The following TPH1 variants were observed in gnomAD, a reference collection of about 807,000 sequenced individuals.
TPH1 encodes the protein tryptophan hydroxylase 1, also known as tryptophan 5-hydroxylase 1.
TPH1 carries 37 observed loss-of-function variants against 49.5 expected under a neutral mutation model. The ratio of observed to expected loss-of-function variants is 0.75; its 90% CI spans 0.58 to 0.98. The LOEUF (loss-of-function observed/expected upper bound fraction) is 0.98. TPH1 is among the 50% of genes least tolerant of loss of function. The pLI is 0.00. For synonymous variants in TPH1, 160 were observed against 182.1 expected (o/e 0.88, Z 0.98); for missense variants, 487 against 523.6 (o/e 0.93, Z 0.68).
At position 18,019,355 on chromosome 11, in the gene TPH1, A is replaced by G. The variant is rs1330868875; in HGVS notation, c.*1636T>C. 1 of 202,106 alleles carries G rather than the reference A, an allele frequency of 4.9e-6. No homozygotes were observed. The highest frequency in any genetic ancestry group is 1.0e-5 in the Non-Finnish European group (1 of 98,902). The allele number at this position is 202,106 out of a possible 1,614,324, so 12.5% of individuals were successfully genotyped here. ...TTGAAAATACGATGTTTAATATACC[A>G]TTAATGGAAATTAAATTACTGGGAA... On this transcript the variant is annotated 3_prime_UTR_variant, in exon 11 of 11. Coordinates refer to ENST00000682019, the MANE Select transcript of TPH1 (RefSeq NM_004179.3).
rs1328394488 is a variant in TPH1 at position 18,018,336 on chromosome 11, C to T, written c.*2655G>A. On this transcript the variant is annotated 3_prime_UTR_variant, in exon 11 of 11. Coordinates refer to ENST00000682019, the MANE Select transcript of TPH1 (RefSeq NM_004179.3). ...CCTGATTTACCAAATATTACAAATA[C>T]CCAGAGGTGAGAAGAACTGAAATCC... The T allele has an allele frequency of 6.6e-6, 1 of 151,880 alleles. No individual in the cohort carries two copies. Among genetic ancestry groups the T allele is most frequent in the Non-Finnish European group, 1.5e-5 (1 of 68,018 alleles). The allele number at this position is 151,880 out of a possible 1,614,324, so 9.4% of individuals were successfully genotyped here. A position where few individuals can be genotyped will look rare whatever the true frequency, so the allele number is the denominator to read the frequency against.
intron 8 of TPH1, among the ~76,000 whole-genome samples, chr11:18,024,226 G>T (rs1472096785): frequency 6.6e-6 from 1 of 152,108 alleles, no homozygotes; most frequent in Non-Finnish European, 1.5e-5. Flanking sequence ...GTATGTGTAG[G>T]TTATCACTAG....
rs1565234701 is a variant in TPH1 at position 18,022,882 on chromosome 11, G to A, written c.1076C>T (p.Thr359Ile). The part of the protein sequence containing the change: ...AKVKPFDPKI[T>I]CKQECLITTF... The stretch of plus-strand genomic sequence containing the variant: ...TGTGATAAGACATTCCTGTTTGCAG[G>A]TAATCTTGGGATCAAAGGGCTTTAC... Residue 359 changes from threonine (T) to isoleucine (I), a missense_variant, in exon 10 of 11, where the codon ACC (threonine) becomes ATC (isoleucine). By Grantham distance (89) the Thr-to-Ile change is moderately conservative. Transcript: ENST00000682019. 1 of 1,613,580 alleles carries A rather than the reference G, an allele frequency of 6.2e-7. No homozygotes were observed. The highest frequency in any genetic ancestry group is 1.1e-5 in the South Asian group (1 of 91,058).
intron 2 of TPH1, among the ~76,000 whole-genome samples, chr11:18,040,146 C>T (rs1423104286): frequency 1.3e-5 from 2 of 148,776 alleles, no homozygotes; most frequent in African/African-American, 4.9e-5. Flanking sequence ...AAATTTGCTT[C>T]TCTAAAATCT....
intron 1 of TPH1, among the ~76,000 whole-genome samples, chr11:18,041,800 A>G (rs1190024925): frequency 6.6e-6 from 1 of 152,244 alleles, no homozygotes; most frequent in Admixed American, 6.5e-5. Context: ...AAACTGAATA[A>G]TTATGTGGAT....
chr11:18,036,066 TC>T lies in TPH1; in HGVS notation c.193del (p.Asp65ThrfsTer9). The T allele has an allele frequency of 1.2e-6, 2 of 1,613,154 alleles. No homozygotes were observed. The highest frequency in any genetic ancestry group is 4.5e-5 in the East Asian group (2 of 44,816). ...RRNSEFEIFV[D>X]CDINREQLND... ...CAATTGTTCTCTGTTGATGTCACAGTCAACAAAAATCTCAAATTCTGAGTTT... is the reference window on the plus strand; with the variant it reads ...CAATTGTTCTCTGTTGATGTCACAGTAACAAAAATCTCAAATTCTGAGTTT... On this transcript the variant is annotated frameshift_variant, in exon 3 of 11. Coordinates refer to ENST00000682019, the MANE Select transcript of TPH1 (RefSeq NM_004179.3). LOFTEE classifies it high-confidence loss of function.
chr11:18,039,462 A>G (rs1848078185), intron 2 of TPH1, among the ~76,000 whole-genome samples: 1 of 152,224 alleles, frequency 6.6e-6, no homozygotes, highest in African/African-American at 2.4e-5. Context: ...GCTTAACCAC[A>G]GTGGTGTTCT....
intron 7 of TPH1, among the ~76,000 whole-genome samples, 192 bp downstream of exon 7, chr11:18,026,298 T>C (rs1847927954): frequency 6.9e-6 from 1 of 145,744 alleles, no homozygotes. Flanking sequence ...TTAATAATCA[T>C]AATGGCTAAC....
intron 7 of TPH1, among the ~76,000 whole-genome samples, 163 bp downstream of exon 7, chr11:18,026,327 A>G (rs1170643762): frequency 2.1e-5 from 3 of 142,252 alleles, no homozygotes; most frequent in African/African-American, 5.3e-5. Context: ...AGCATGGAAC[A>G]TGTATTTCAT....
intron 6 of TPH1, among the ~76,000 whole-genome samples, chr11:18,028,852 G>C (rs1360619611): frequency 6.6e-6 from 1 of 151,942 alleles, no homozygotes; most frequent in African/African-American, 2.4e-5. Context: ...ATCACTTGAG[G>C]TCAGAAGTTC....
chr11:18,022,371 T>C (rs933455908), intron 10 of TPH1, among the ~76,000 whole-genome samples: 17 of 152,232 alleles, frequency 1.1e-4, no homozygotes, highest in African/African-American at 4.1e-4. Flanking sequence ...TATCTAAATA[T>C]TACCTATCCT....
intron 2 of TPH1, among the ~76,000 whole-genome samples, chr11:18,038,235 T>C (rs1467551130): frequency 6.6e-6 from 1 of 152,078 alleles, no homozygotes; most frequent in African/African-American, 2.4e-5. Flanking sequence ...AAGTAAATAT[T>C]AGAAAAATAG....
intron 4 of TPH1, 130 bp downstream of exon 4, chr11:18,033,144 T>C (rs1266956204): frequency 1.4e-6 from 1 of 738,500 alleles, no homozygotes; most frequent in African/African-American, 1.8e-5. Flanking sequence ...TCCCAGCTAC[T>C]TGGGAGGCTA....
At position 18,040,668 on chromosome 11, in the gene TPH1, A is replaced by G. The variant is rs754904797; in HGVS notation, c.95T>C (p.Ile32Thr). The change falls in exon 2 of 11, where the codon ATA (isoleucine) becomes ACA (threonine). Residue 32 changes from isoleucine to threonine, a missense_variant. Ile to Thr is a moderately conservative substitution (Grantham distance 89). Transcript: ENST00000682019. ...TACCTGAAAGATTTTCAGGGCTTTT[A>G]TAAGTCCTCCAACTTCATTCTTTAA... ...FSLKNEVGGL[I>T]KALKIFQEKH... 4.3e-6 allele frequency: 7 copies of G among 1,612,064 alleles called. No homozygotes were observed. The Admixed American group carries it at 5.0e-5, about 12-fold the overall frequency.
rs565303587 is a variant in TPH1, at chr11:18,027,951, T to C, written c.667+1214A>G. On this transcript the variant is annotated intron_variant, in intron 6 of 10. Transcript: ENST00000682019. The stretch of plus-strand genomic sequence containing the variant: ...TTAAGGAGTTAAATAGATATGTAGA[T>C]TTTTTTAAGTCTATGAGAGAAACTC... 3.9e-5 allele frequency among the ~76,000 whole-genome samples: 6 copies of C among 152,244 alleles called. No homozygotes were observed. In the East Asian group the frequency reaches 9.6e-4, roughly 24 times the overall value.
At position 18,026,638 on chromosome 11, in the gene TPH1, G is replaced by T; in HGVS notation, c.668-13C>A. The T allele has an allele frequency of 6.2e-7, 1 of 1,613,936 alleles. No homozygotes were observed. The highest frequency in any genetic ancestry group is 2.2e-5 in the East Asian group (1 of 44,872). On this transcript the variant is annotated splice_polypyrimidine_tract_variant and intron_variant, in intron 6 of 10. Coordinates refer to ENST00000682019, the MANE Select transcript of TPH1 (RefSeq NM_004179.3). ...AAACCTGTACGCTCTGCAAAGCAAAGGAGAAAACAAAGAAAATCTTTACCA... is the reference window on the plus strand; with the variant it reads ...AAACCTGTACGCTCTGCAAAGCAAATGAGAAAACAAAGAAAATCTTTACCA...
In TPH1 at chr11:18,026,584, A is replaced by C; in HGVS notation, c.709T>G (p.Ser237Ala). Residue 237 changes from serine to alanine, a missense_variant, in exon 7 of 11, where the codon TCA (serine) becomes GCA (alanine). Physicochemically the swap from Ser to Ala is moderately conservative, Grantham distance 99 (BLOSUM62 1). Transcript: ENST00000682019. ...FSIRPVAGYL[S>A]PRDFLSGLAF... ...AAACCTGATAAGAAATCTCTTGGTGATAAGTAACCAGCCACAGGACGGATG... is the reference window on the plus strand; with the variant it reads ...AAACCTGATAAGAAATCTCTTGGTGCTAAGTAACCAGCCACAGGACGGATG... The C allele has an allele frequency of 6.2e-7, 1 of 1,614,110 alleles. No individual in the cohort carries two copies. The highest frequency in any genetic ancestry group is 8.5e-7 in the Non-Finnish European group (1 of 1,180,000).
Position 18,018,727 on chromosome 11 carries a change from G to C in TPH1, c.*2264C>G, listed in dbSNP as rs1255273132. On this transcript the variant is annotated 3_prime_UTR_variant, in exon 11 of 11. Transcript: ENST00000682019. ...AAAAAAATTCCATTGTTCTGAAGTT[G>C]TGGATTATAAGGCTGTGCCTTTAAC... The C allele has an allele frequency of 1.5e-5, 2 of 134,150 alleles. No individual in the cohort carries two copies. Among genetic ancestry groups the C allele is most frequent in the East Asian group, 4.8e-4 (2 of 4,210 alleles). The allele number at this position is 134,150 out of a possible 1,614,324, so 8.3% of individuals were successfully genotyped here. A position where few individuals can be genotyped will look rare whatever the true frequency, so the allele number is the denominator to read the frequency against.
At chr11:18,043,142 A>G (rs544077304) in intron 1 of TPH1, among the ~76,000 whole-genome samples, 5 of 152,296 alleles carry the variant, frequency 3.3e-5, no homozygotes, top group Non-Finnish European at 5.9e-5. Flanking sequence ...GCCAACCACT[A>G]GCTTCATCAT....
Sources: gnomAD v4.1 joint callset for allele counts (sites outside exome capture counted in the v4.1 genomes callset) on GRCh38, gnomAD v4.1.1 for gene constraint, MANE v1.5 for transcripts, NCBI Gene and HGNC (gene_info 2026-07-23, HGNC 2026-07-21) for gene names.